WDFY4: variants seen among roughly 807,000 people sequenced by gnomAD.
The protein encoded by WDFY4 is WDFY family member 4.
A neutral mutation model predicts 351.9 loss-of-function variants in WDFY4; 169 were observed. The observed-to-expected ratio is 0.48, with a 90% confidence interval of 0.42 to 0.55. WDFY4 has a LOEUF of 0.55. Among genes scored for constraint, WDFY4 ranks in the 20% least tolerant of loss-of-function variants. WDFY4 has a pLI of 0.00. For missense variants in WDFY4, 3,803 were observed against 3,935.6 expected, an observed-to-expected ratio of 0.97 and a Z score of 0.90; for synonymous variants, 1,622 against 1,574.6, an observed-to-expected ratio of 1.03 and a Z score of -0.71.
intron 1 of WDFY4, among the ~76,000 whole-genome samples, chr10:48,693,087 A>G (rs2063238636): frequency 6.6e-6 from 1 of 152,194 alleles, no homozygotes; most frequent in African/African-American, 2.4e-5. Flanking sequence ...GTGAGTGATC[A>G]GTGGATTCAG....
intron 1 of WDFY4, among the ~76,000 whole-genome samples, chr10:48,699,743 C>T (rs1006525618): frequency 2.6e-5 from 4 of 152,194 alleles, no homozygotes; most frequent in African/African-American, 9.7e-5. Flanking sequence ...TCACACTGTG[C>T]TTTTTGTTTT....
intron 42 of WDFY4, among the ~76,000 whole-genome samples, chr10:48,876,118 A>C (rs1371143471): frequency 2.6e-5 from 4 of 152,082 alleles, no homozygotes; most frequent in African/African-American, 9.7e-5. Context: ...TCCAGTATGC[A>C]CCCTGAGTAG....
At chr10:48,759,985 T>C (rs1007027719) in intron 12 of WDFY4, among the ~76,000 whole-genome samples, 2 of 152,104 alleles carry the variant, frequency 1.3e-5, no homozygotes, top group African/African-American at 4.8e-5. Flanking sequence ...TGTGTGTGTG[T>C]GTGTGTGAGT....
chr10:48,821,261 A>C lies in WDFY4; in HGVS notation c.5824+85A>C, dbSNP rs142855765. ...AAACCAGCATGCTGGCCAGGAACTG[A>C]CCCTAGCTGTGGGATGCTGCCTCCA... is the stretch of plus-strand genomic sequence containing the variant. On this transcript the variant is annotated intron_variant, in intron 34 of 61. Transcript: ENST00000325239. 1,629 of 1,113,974 alleles carry C rather than the reference A, an allele frequency of 1.5e-3. 24 individuals are homozygous for C. Among genetic ancestry groups the C allele is most frequent in the Non-Finnish European group, 2.6e-4 (201 of 758,688 alleles). The allele number at this position is 1,113,974 out of a possible 1,614,324, so 69.0% of individuals were successfully genotyped here.
At chr10:48,849,187 T>TA (rs1306007612) in intron 39 of WDFY4, among the ~76,000 whole-genome samples, 4 of 152,134 alleles carry the variant, frequency 2.6e-5, no homozygotes, top group Admixed American at 2.0e-4. Flanking sequence ...ACAGAAACCT[T>TA]AAAAAAATAA....
At chr10:48,939,629 A>G (rs911063942) in intron 47 of WDFY4, among the ~76,000 whole-genome samples, 1 of 152,250 alleles carries the variant, frequency 6.6e-6, no homozygotes, top group African/African-American at 2.4e-5. Context: ...TTTTAAAGAA[A>G]TACTTTCAAC....
At chr10:48,968,173 G>T (rs1265778081) in intron 55 of WDFY4, 1 of 152,242 alleles carries the variant, frequency 6.6e-6, no homozygotes, top group African/African-American at 2.4e-5. Context: ...GAAGACAATG[G>T]CCCTGCCCTC....
chr10:48,700,161 A>C (rs978934491), intron 1 of WDFY4, among the ~76,000 whole-genome samples: 1 of 152,192 alleles, frequency 6.6e-6, no homozygotes, highest in Non-Finnish European at 1.5e-5. Flanking sequence ...TCAGCAGGCG[A>C]ATCATCTCAA....
chr10:48,899,550 C>T (rs763136775), intron 45 of WDFY4, among the ~76,000 whole-genome samples: 1 of 152,068 alleles, frequency 6.6e-6, no homozygotes, highest in Non-Finnish European at 1.5e-5. Flanking sequence ...TGGGAATTCT[C>T]TCTCCTTGGC....
At chr10:48,928,578 G>T (rs969169865) in intron 47 of WDFY4, among the ~76,000 whole-genome samples, 2 of 152,170 alleles carry the variant, frequency 1.3e-5, no homozygotes, top group Non-Finnish European at 2.9e-5. Context: ...TATCCTGGGG[G>T]CCAAGAGGAC....
intron 6 of WDFY4, among the ~76,000 whole-genome samples, chr10:48,727,031 C>G (rs1026317562): frequency 2.0e-5 from 3 of 152,216 alleles, no homozygotes; most frequent in Non-Finnish European, 2.9e-5. Flanking sequence ...CCCCTGGCTT[C>G]TTCAGTATCC....
intron 39 of WDFY4, among the ~76,000 whole-genome samples, chr10:48,865,439 T>G (rs577563565): frequency 4.7e-4 from 72 of 152,318 alleles, no homozygotes; most frequent in African/African-American, 1.6e-3. Context: ...GGTATATAAT[T>G]TTTTATATGT....
intron 24 of WDFY4, among the ~76,000 whole-genome samples, chr10:48,798,574 C>T (rs1209373182): frequency 1.3e-5 from 2 of 152,220 alleles, no homozygotes; most frequent in East Asian, 1.9e-4. Context: ...TTTCAGAGCG[C>T]ACTCTAAAAT....
intron 57 of WDFY4, 97 bp from the exon 58 acceptor site, chr10:48,974,765 T>C: frequency 7.8e-7 from 1 of 1,287,072 alleles, no homozygotes; most frequent in South Asian, 1.5e-5. Context: ...AATCTCCATT[T>C]CCTCATCCAG....
chr10:48,899,103 C>T (rs949266964), intron 45 of WDFY4, among the ~76,000 whole-genome samples: 4 of 150,780 alleles, frequency 2.7e-5, no homozygotes, highest in African/African-American at 5.0e-5. Context: ...TGATTGTTTC[C>T]AGAGGGTTGG....
At chr10:48,854,623 G>A (rs1292461609) in intron 39 of WDFY4, among the ~76,000 whole-genome samples, 1 of 152,190 alleles carries the variant, frequency 6.6e-6, no homozygotes, top group African/African-American at 2.4e-5. Flanking sequence ...GATCTCTCCT[G>A]TAATGTGACT....
At chr10:48,900,349 A>C in intron 46 of WDFY4, 43 bp downstream of exon 46, 1 of 1,508,486 alleles carries the variant, frequency 6.6e-7, no homozygotes, top group Non-Finnish European at 9.0e-7. Flanking sequence ...CTGATCCTGA[A>C]CTGAGAGCAG....
intron 2 of WDFY4, among the ~76,000 whole-genome samples, chr10:48,713,541 G>T (rs944752287): frequency 6.6e-6 from 1 of 152,230 alleles, no homozygotes; most frequent in African/African-American, 2.4e-5. Context: ...GGCTGCAGGG[G>T]TGCTAACCCA....
chr10:48,821,209 G>T, intron 34 of WDFY4, 33 bp downstream of exon 34: 1 of 1,495,638 alleles, frequency 6.7e-7, no homozygotes, highest in Non-Finnish European at 9.1e-7. Context: ...CTCCATTCAT[G>T]ACATGAGGCT....
Sources: gnomAD v4.1 joint callset for allele counts (sites outside exome capture counted in the v4.1 genomes callset) on GRCh38, gnomAD v4.1.1 for gene constraint, MANE v1.5 for transcripts, NCBI Gene and HGNC (gene_info 2026-07-23, HGNC 2026-07-21) for gene names.